BCAS3: variants seen among roughly 807,000 people sequenced by gnomAD.
BCAS3 encodes BCAS4/BCAS3 fusion.
In BCAS3, 53 loss-of-function variants were observed where a neutral mutation model predicts 116.1. The observed-to-expected ratio is 0.46, with a 90% confidence interval of 0.37 to 0.57. The LOEUF is 0.57. Ranked by LOEUF, BCAS3 falls within the 20% of genes least tolerant of loss-of-function variation. The probability of loss-of-function intolerance (pLI) is 0.00; values close to 1 mark genes in which losing one functional copy is unlikely to be tolerated. For missense variants in BCAS3, 917 were observed against 1,165.4 expected, an observed-to-expected ratio of 0.79 and a Z score of 3.10; for synonymous variants, 391 against 408.2, an observed-to-expected ratio of 0.96 and a Z score of 0.51.
rs940457920 is a variant in BCAS3 at position 61,235,328 on chromosome 17, A to G, written c.2426-132999A>G. Among the ~76,000 whole-genome samples, 4 of 152,248 alleles carry G rather than the reference A, an allele frequency of 2.6e-5. No individual in the cohort carries two copies. The highest frequency in any genetic ancestry group is 4.4e-5 in the Non-Finnish European group (3 of 68,044). ...TGGCTAGTTATAGTCTAAGACTTGC[A>G]GACAGGCAGCCTGGGAAGATCTCAA... On this transcript the variant is annotated intron_variant, in intron 22 of 23. Transcript: ENST00000407086. The surrounding 1 kb of genome is among the most constrained non-coding windows in gnomAD (Gnocchi z 5.0).
chr17:61,101,425 A>T (rs1366709522), intron 22 of BCAS3, among the ~76,000 whole-genome samples: 1 of 152,152 alleles, frequency 6.6e-6, no homozygotes, highest in Non-Finnish European at 1.5e-5. Flanking sequence ...GAAACTCACA[A>T]TTCACTCTAT....
chr17:61,003,476 C>T (rs944448645), intron 15 of BCAS3, among the ~76,000 whole-genome samples: 1 of 136,034 alleles, frequency 7.4e-6, no homozygotes, highest in Non-Finnish European at 1.5e-5. Context: ...CTTTTTAAAT[C>T]GAGACAAGGT....
chr17:61,376,121 T>C lies in BCAS3; in HGVS notation c.2593+7627T>C, dbSNP rs930435739. Reference sequence around the variant, plus strand: ...ACTGGCCCAACTCATTGCAAGGCCATGGAAATAGGAACTGACAGTGTTGCC... The same window carrying C: ...ACTGGCCCAACTCATTGCAAGGCCACGGAAATAGGAACTGACAGTGTTGCC... On this transcript the variant is annotated intron_variant, in intron 23 of 23. Coordinates refer to ENST00000407086, the MANE Select transcript of BCAS3 (RefSeq NM_017679.5). This position sits in a 1 kb window ranked among gnomAD's most constrained non-coding sequence, Gnocchi z 4.5. Among the ~76,000 whole-genome samples the C allele has an allele frequency of 6.6e-6, 1 of 152,144 alleles. No individual in the cohort carries two copies. Among genetic ancestry groups the C allele is most frequent in the East Asian group, 1.9e-4 (1 of 5,192 alleles).
chr17:61,333,283 T>C lies in BCAS3; in HGVS notation c.2426-35044T>C, dbSNP rs2056438497. Among the ~76,000 whole-genome samples the C allele has an allele frequency of 6.6e-6, 1 of 152,122 alleles. No homozygotes were observed. Among genetic ancestry groups the C allele is most frequent in the Non-Finnish European group, 1.5e-5 (1 of 68,012 alleles). On this transcript the variant is annotated intron_variant, in intron 22 of 23. Coordinates refer to ENST00000407086, the MANE Select transcript of BCAS3 (RefSeq NM_017679.5). This position sits in a 1 kb window ranked among gnomAD's most constrained non-coding sequence, Gnocchi z 4.8. The stretch of plus-strand genomic sequence containing the variant: ...CCACTTCTGCGGTGGTTGTCGGTCT[T>C]GGAAAAGCTCCATCTTCAGAGGGGT...
chr17:61,160,705 T>C (rs980096468), intron 22 of BCAS3, among the ~76,000 whole-genome samples: 2 of 152,206 alleles, frequency 1.3e-5, no homozygotes, highest in African/African-American at 4.8e-5. Flanking sequence ...GTCATGGTCT[T>C]ACTACTGATT....
Position 61,189,893 on chromosome 17 carries a change from G to A in BCAS3, c.2425+105329G>A, listed in dbSNP as rs1403795930. Among the ~76,000 whole-genome samples, 2 of 152,164 alleles carry A rather than the reference G, an allele frequency of 1.3e-5. No homozygotes were observed. The highest frequency in any genetic ancestry group is 2.9e-5 in the Non-Finnish European group (2 of 68,034). Reference sequence around the variant, plus strand: ...GTGGGAGTTATCAACATATAGCTATGGAAGGTGAAAGGGAAAGTATGCAGA... The same window carrying A: ...GTGGGAGTTATCAACATATAGCTATAGAAGGTGAAAGGGAAAGTATGCAGA... On this transcript the variant is annotated intron_variant, in intron 22 of 23. Transcript: ENST00000407086. This position sits in a 1 kb window ranked among gnomAD's most constrained non-coding sequence, Gnocchi z 4.5.
At chr17:60,923,865 T>C (rs2145156738) in intron 12 of BCAS3, among the ~76,000 whole-genome samples, 1 of 152,318 alleles carries the variant, frequency 6.6e-6, no homozygotes, top group East Asian at 1.9e-4. Flanking sequence ...GTTCTATTTC[T>C]CTCTAGAAAC....
chr17:61,108,645 G>A (rs191304966), intron 22 of BCAS3, among the ~76,000 whole-genome samples: 2 of 150,558 alleles, frequency 1.3e-5, no homozygotes, highest in East Asian at 3.9e-4. Context: ...TGGGGAACAG[G>A]TGGTGTTTGG....
At chr17:60,822,946 A>G (rs2050085969) in intron 7 of BCAS3, among the ~76,000 whole-genome samples, 1 of 152,160 alleles carries the variant, frequency 6.6e-6, no homozygotes, top group Non-Finnish European at 1.5e-5. Flanking sequence ...TACTCTCTCA[A>G]CTTGCAGCCA....
At chr17:61,312,595 C>T (rs1183255828) in intron 22 of BCAS3, among the ~76,000 whole-genome samples, 1 of 152,094 alleles carries the variant, frequency 6.6e-6, no homozygotes, top group Non-Finnish European at 1.5e-5. Context: ...AAGGAAAATC[C>T]CACTCACCAT....
At chr17:60,832,948 G>A (rs927513704) in intron 7 of BCAS3, among the ~76,000 whole-genome samples, 2 of 152,134 alleles carry the variant, frequency 1.3e-5, no homozygotes, top group African/African-American at 4.8e-5. Flanking sequence ...TTCTCTAAAA[G>A]CACCTGCTTT....
At chr17:60,777,090 A>G (rs1384574495) in intron 6 of BCAS3, among the ~76,000 whole-genome samples, 1 of 151,904 alleles carries the variant, frequency 6.6e-6, no homozygotes, top group Admixed American at 6.6e-5. Context: ...ATATGTGTAT[A>G]TATATATTTC....
chr17:61,074,895 T>G (rs932801599), intron 19 of BCAS3, 25 bp from the exon 20 acceptor site: 2 of 1,545,756 alleles, frequency 1.3e-6, no homozygotes, highest in Non-Finnish European at 1.8e-6. Flanking sequence ...TGAAGTGGTT[T>G]AAATCTATTT....
chr17:61,267,677 G>A (rs1171396629), intron 22 of BCAS3, among the ~76,000 whole-genome samples: 8 of 148,878 alleles, frequency 5.4e-5, no homozygotes, highest in South Asian at 2.1e-4. Context: ...AGCCAAGATC[G>A]TGCCACTGCA....
At chr17:60,775,260 A>C (rs2045161413) in intron 6 of BCAS3, among the ~76,000 whole-genome samples, 1 of 152,140 alleles carries the variant, frequency 6.6e-6, no homozygotes, top group Non-Finnish European at 1.5e-5. Flanking sequence ...AAAGTGATAA[A>C]AACACCAAGG....
chr17:60,682,523 T>C (rs2033320883), intron 2 of BCAS3, among the ~76,000 whole-genome samples: 1 of 152,172 alleles, frequency 6.6e-6, no homozygotes, highest in Admixed American at 6.5e-5. Flanking sequence ...ATTTTGATTT[T>C]TTCGTTGTTG....
Position 61,235,598 on chromosome 17 carries a change from C to T in BCAS3, c.2426-132729C>T, listed in dbSNP as rs1187242956. On this transcript the variant is annotated intron_variant, in intron 22 of 23. Coordinates refer to ENST00000407086, the MANE Select transcript of BCAS3 (RefSeq NM_017679.5). The surrounding 1 kb of genome is among the most constrained non-coding windows in gnomAD (Gnocchi z 5.0). Reference sequence around the variant, plus strand: ...TTTAGTGGATGCTGAGCTGGAGACCCCCGTTAGTGCTACCTCTTTCTAAAC... The same window carrying T: ...TTTAGTGGATGCTGAGCTGGAGACCTCCGTTAGTGCTACCTCTTTCTAAAC... 1.3e-5 allele frequency among the ~76,000 whole-genome samples: 2 copies of T among 151,926 alleles called. No individual in the cohort carries two copies. Among genetic ancestry groups the T allele is most frequent in the Admixed American group, 6.6e-5 (1 of 15,252 alleles).
intron 5 of BCAS3, 96 bp downstream of exon 5, chr17:60,709,421 C>CAAA: frequency 4.1e-6 from 3 of 732,544 alleles, no homozygotes; most frequent in Non-Finnish European, 6.9e-6. Context: ...GACAGAGTCT[C>CAAA]ACTCTTCGCC....
chr17:60,779,616 G>T (rs957320820), intron 6 of BCAS3, among the ~76,000 whole-genome samples: 1 of 152,134 alleles, frequency 6.6e-6, no homozygotes, highest in Non-Finnish European at 1.5e-5. Flanking sequence ...TGATCCACCC[G>T]CCTTGGCCTC....
Sources: gnomAD v4.1 joint callset for allele counts (sites outside exome capture counted in the v4.1 genomes callset) on GRCh38, gnomAD v4.1.1 for gene constraint, Gnocchi (gnomAD v3.1) non-coding constraint, MANE v1.5 for transcripts, NCBI Gene and HGNC (gene_info 2026-07-23, HGNC 2026-07-21) for gene names.